The following CADPS2 variants were observed in gnomAD, a reference collection of about 807,000 sequenced individuals.
The protein encoded by CADPS2 is calcium-dependent secretion activator 2.
In CADPS2, 93 loss-of-function variants were observed where a neutral mutation model predicts 172.5. That is an observed-to-expected ratio of 0.54 (90% CI 0.46 to 0.64). The LOEUF is 0.64. Among genes scored for constraint, CADPS2 ranks in the 30% least tolerant of loss-of-function variants. The pLI, the probability that CADPS2 is intolerant of heterozygous loss-of-function variation, is 0.00. For synonymous variants in CADPS2, 546 were observed against 555.2 expected, an observed-to-expected ratio of 0.98 and a Z score of 0.23; for missense variants, 1,420 against 1,565.9, an observed-to-expected ratio of 0.91 and a Z score of 1.57.
chr7:122,867,614 A>G (rs1489727083), intron 1 of CADPS2, among the ~76,000 whole-genome samples: 1 of 152,200 alleles, frequency 6.6e-6, no homozygotes, highest in Non-Finnish European at 1.5e-5. Context: ...TCTCAAGCAC[A>G]AAGAACAAAG....
intron 1 of CADPS2, among the ~76,000 whole-genome samples, chr7:122,844,094 G>A (rs36122169): frequency 0.19 from 29,664 of 152,160 alleles, 2,999 homozygotes; most frequent in Middle Eastern, 0.3. Flanking sequence ...CAGTGAGTCT[G>A]TAGCCTTCTG....
chr7:122,809,501 A>T (rs1306601148), intron 1 of CADPS2, among the ~76,000 whole-genome samples: 1 of 150,434 alleles, frequency 6.6e-6, no homozygotes, highest in Non-Finnish European at 1.5e-5. Context: ...AATTGCTTGA[A>T]CCCGGGAAGC....
chr7:122,485,160 C>T (rs372368460), intron 11 of CADPS2, among the ~76,000 whole-genome samples: 47 of 152,280 alleles, frequency 3.1e-4, no homozygotes, highest in African/African-American at 1.1e-3. Flanking sequence ...ATTAGGCTAA[C>T]TAACAACCTG....
At chr7:122,866,947 C>T (rs1299049450) in intron 1 of CADPS2, among the ~76,000 whole-genome samples, 2 of 152,166 alleles carry the variant, frequency 1.3e-5, no homozygotes, top group African/African-American at 4.8e-5. Context: ...TCACATCATG[C>T]TAGCCACCCT....
chr7:122,719,771 A>T (rs2090142360), intron 2 of CADPS2, among the ~76,000 whole-genome samples: 1 of 152,156 alleles, frequency 6.6e-6, no homozygotes, highest in Non-Finnish European at 1.5e-5. Context: ...GTATATAAAG[A>T]ATTAAATATA....
At chr7:122,754,590 C>A (rs963442032) in intron 1 of CADPS2, among the ~76,000 whole-genome samples, 5 of 152,118 alleles carry the variant, frequency 3.3e-5, no homozygotes, top group Non-Finnish European at 5.9e-5. Flanking sequence ...GAGTCTCCTG[C>A]CTCAGCCTCC....
At chr7:122,654,517 G>T (rs1384936797) in intron 3 of CADPS2, among the ~76,000 whole-genome samples, 2 of 152,188 alleles carry the variant, frequency 1.3e-5, no homozygotes, top group Non-Finnish European at 2.9e-5. Context: ...AATCTACTTT[G>T]CTAGTGCTCC....
chr7:122,712,705 G>A (rs1475175164), intron 2 of CADPS2, among the ~76,000 whole-genome samples: 1 of 152,122 alleles, frequency 6.6e-6, no homozygotes, highest in Non-Finnish European at 1.5e-5. Flanking sequence ...CTTATAAGCA[G>A]TAGAAATTTA....
intron 1 of CADPS2, among the ~76,000 whole-genome samples, chr7:122,800,201 C>G (rs1387564332): frequency 6.6e-6 from 1 of 152,120 alleles, no homozygotes; most frequent in East Asian, 1.9e-4. Flanking sequence ...TAGTTTTATT[C>G]CTACTCAACA....
At chr7:122,378,161 T>C (rs2042572548) in intron 25 of CADPS2, among the ~76,000 whole-genome samples, 1 of 152,184 alleles carries the variant, frequency 6.6e-6, no homozygotes, top group East Asian at 1.9e-4. Flanking sequence ...AGATGTCCCA[T>C]AATTTGCTTT....
At chr7:122,451,181 T>G (rs1307281058) in intron 15 of CADPS2, among the ~76,000 whole-genome samples, 193 bp downstream of exon 15, 2 of 151,952 alleles carry the variant, frequency 1.3e-5, no homozygotes, top group South Asian at 2.1e-4. Context: ...CTAGCCTAAA[T>G]GAATACAGGA....
rs912452139 is a variant in CADPS2 at position 122,681,356 on chromosome 7, C to T, written c.454-17787G>A. The T allele has an allele frequency of 5.5e-6, 8 of 1,461,522 alleles. No individual in the cohort carries two copies. In the African/African-American group the frequency reaches 1.1e-4, roughly 20 times the overall value. 90.5% of individuals were successfully genotyped at this position (1,461,522 alleles called of 1,614,324 possible). ...GGAACAATGGTCGTGCCAAAAAGGG[C>T]CGCGGCCACGTGCAACCTGTTCGCT... On this transcript the variant is annotated intron_variant, in intron 2 of 29. Coordinates refer to ENST00000449022, the MANE Select transcript of CADPS2 (RefSeq NM_017954.11).
At chr7:122,845,413 G>A (rs565988547) in intron 1 of CADPS2, among the ~76,000 whole-genome samples, 6 of 152,312 alleles carry the variant, frequency 3.9e-5, no homozygotes, top group African/African-American at 1.4e-4. Context: ...GCAACACAAA[G>A]CCAGAGTTGG....
intron 1 of CADPS2, among the ~76,000 whole-genome samples, chr7:122,750,730 C>G (rs757624200): frequency 3.3e-5 from 5 of 152,094 alleles, no homozygotes; most frequent in Non-Finnish European, 7.4e-5. Context: ...TAATTACAAT[C>G]CCCTGAAGAG....
chr7:122,603,723 C>A (rs2133559410), intron 6 of CADPS2, among the ~76,000 whole-genome samples: 1 of 152,152 alleles, frequency 6.6e-6, no homozygotes, highest in South Asian at 2.1e-4. Context: ...CTCTTAAAAC[C>A]ATTTGTACTG....
intron 5 of CADPS2, among the ~76,000 whole-genome samples, chr7:122,617,795 G>A (rs2075099227): frequency 6.6e-6 from 1 of 152,162 alleles, no homozygotes; most frequent in African/African-American, 2.4e-5. Flanking sequence ...TGTAATCTCA[G>A]CACTTTGGGA....
chr7:122,508,222 T>G (rs2130708332), intron 9 of CADPS2, among the ~76,000 whole-genome samples: 1 of 152,166 alleles, frequency 6.6e-6, no homozygotes. Context: ...TTGTGGATTT[T>G]TAGCCAGCAA....
In CADPS2 at chr7:122,513,774, T is replaced by A. The variant is rs116579485; in HGVS notation, c.1476-459A>T. Among the ~76,000 whole-genome samples the A allele has an allele frequency of 3.9e-3, 593 of 152,302 alleles. 5 individuals are homozygous for A. Among genetic ancestry groups the A allele is most frequent in the African/African-American group, 0.014 (563 of 41,576 alleles). ...ACTGTCCAGCTGGGTGACCCCAAAATGTGCCTGCACCAATCTCAGTCTCCA... is the reference window on the plus strand; with the variant it reads ...ACTGTCCAGCTGGGTGACCCCAAAAAGTGCCTGCACCAATCTCAGTCTCCA... On this transcript the variant is annotated intron_variant, in intron 8 of 29. Coordinates refer to ENST00000449022, the MANE Select transcript of CADPS2 (RefSeq NM_017954.11).
At chr7:122,569,894 A>G (rs886498557) in intron 7 of CADPS2, among the ~76,000 whole-genome samples, 1 of 143,358 alleles carries the variant, frequency 7.0e-6, no homozygotes, top group Non-Finnish European at 1.5e-5. Flanking sequence ...AGATGGATTA[A>G]AGACTTAAAC....
Sources: gnomAD v4.1 joint callset for allele counts (sites outside exome capture counted in the v4.1 genomes callset) on GRCh38, gnomAD v4.1.1 for gene constraint, MANE v1.5 for transcripts, NCBI Gene and HGNC (gene_info 2026-07-23, HGNC 2026-07-21) for gene names.